Variants in TSNARE1 observed in about 807,000 individuals in gnomAD.
TSNARE1 encodes t-SNARE domain containing 1.
Under a neutral mutation model 62.0 loss-of-function variants are expected in TSNARE1, and 49 were observed. The ratio of observed to expected loss-of-function variants is 0.79; its 90% CI spans 0.63 to 1.00. The LOEUF (loss-of-function observed/expected upper bound fraction) is 1.00, where lower values mean the gene tolerates loss of function less well. Among genes scored for constraint, TSNARE1 ranks in the 50% least tolerant of loss-of-function variants. The pLI, the probability that TSNARE1 is intolerant of heterozygous loss-of-function variation, is 0.00. For synonymous variants in TSNARE1, 328 were observed against 294.4 expected (o/e 1.11, Z -1.17); for missense variants, 755 against 700.1 (o/e 1.08, Z -0.88).
At chr8:142,222,398 ACTC>A in intron 13 of TSNARE1, among the ~76,000 whole-genome samples, 4 of 147,324 alleles carry the variant, frequency 2.7e-5, no homozygotes, top group Non-Finnish European at 1.5e-5. Context: ...TCATCCACTC[ACTC>A]ATTCACTCAC....
chr8:142,300,426 C>G, intron 10 of TSNARE1, 60 bp downstream of exon 10: 1 of 1,536,870 alleles, frequency 6.5e-7, no homozygotes, highest in African/African-American at 1.4e-5. Context: ...CTGGGCTCCT[C>G]TGGTTCCCAG....
At chr8:142,362,455 T>TC (rs1835234872) in intron 1 of TSNARE1, among the ~76,000 whole-genome samples, 1 of 152,202 alleles carries the variant, frequency 6.6e-6, no homozygotes, top group African/African-American at 2.4e-5. Context: ...GAGCCCACTT[T>TC]CTGCTGCTGT....
intron 1 of TSNARE1, among the ~76,000 whole-genome samples, chr8:142,390,852 G>A (rs1370782454): frequency 8.9e-5 from 8 of 89,914 alleles, no homozygotes; most frequent in African/African-American, 3.7e-4. Flanking sequence ...GTACACTGCG[G>A]GGGACTCCGT....
chr8:142,405,361 GGT>G (rs1256094655), upstream of TSNARE1: 23 of 152,300 alleles, frequency 1.5e-4, no homozygotes, highest in African/African-American at 5.5e-4. Context: ...GAAGAACTCT[GGT>G]CCCACCCCTT....
chr8:142,303,969 C>G (rs1826218206), intron 9 of TSNARE1, among the ~76,000 whole-genome samples: 1 of 152,238 alleles, frequency 6.6e-6, no homozygotes, highest in Non-Finnish European at 1.5e-5. Context: ...CCACCCTCGT[C>G]TAAAGGGCAC....
At chr8:142,240,090 G>A (rs1468776073) in intron 12 of TSNARE1, among the ~76,000 whole-genome samples, 2 of 152,100 alleles carry the variant, frequency 1.3e-5, no homozygotes, top group African/African-American at 4.8e-5. Flanking sequence ...CCAGCTATCT[G>A]CTATTTACAA....
At chr8:142,263,522 C>T (rs375187776) in intron 12 of TSNARE1, among the ~76,000 whole-genome samples, 15 of 152,268 alleles carry the variant, frequency 9.9e-5, no homozygotes, top group South Asian at 8.3e-4. Flanking sequence ...TCATCCTATG[C>T]GTTTAGGAAT....
chr8:142,271,598 CG>C, intron 12 of TSNARE1: 1 of 1,429,446 alleles, frequency 7.0e-7, no homozygotes, highest in Non-Finnish European at 9.1e-7. Flanking sequence ...GAAGACTCCT[CG>C]TAAGTCCAGG....
chr8:142,222,956 T>TCCTC (rs1816488929), intron 13 of TSNARE1, among the ~76,000 whole-genome samples: 1 of 145,036 alleles, frequency 6.9e-6, no homozygotes, highest in Non-Finnish European at 1.5e-5. Flanking sequence ...ACTCATCCAC[T>TCCTC]CACTCACTCA....
intron 4 of TSNARE1, among the ~76,000 whole-genome samples, chr8:142,333,381 C>T (rs1228379569): frequency 6.6e-6 from 1 of 152,210 alleles, no homozygotes; most frequent in Non-Finnish European, 1.5e-5. Context: ...GGTGTCGGTG[C>T]AGTTCTTTCA....
intron 1 of TSNARE1, among the ~76,000 whole-genome samples, chr8:142,390,217 T>C (rs1837391225): frequency 6.6e-6 from 1 of 152,166 alleles, no homozygotes; most frequent in Admixed American, 6.5e-5. Context: ...GCCTGGGACA[T>C]TACTGTACAC....
intron 1 of TSNARE1, among the ~76,000 whole-genome samples, chr8:142,386,566 T>C (rs1018414628): frequency 5.9e-5 from 9 of 152,094 alleles, no homozygotes; most frequent in Non-Finnish European, 1.3e-4. Context: ...GATTCCCCAA[T>C]TGAATTACAA....
chr8:142,373,367 C>A (rs1306565147), intron 1 of TSNARE1, among the ~76,000 whole-genome samples: 1 of 152,074 alleles, frequency 6.6e-6, no homozygotes. Context: ...CCCTGACTGG[C>A]GGCTGGGAGA....
chr8:142,232,105 A>G (rs1817144721), intron 12 of TSNARE1, among the ~76,000 whole-genome samples: 1 of 152,248 alleles, frequency 6.6e-6, no homozygotes, highest in Admixed American at 6.5e-5. Context: ...CCTTGAGCAC[A>G]GTGCTGGGCC....
Position 142,274,816 on chromosome 8 carries a change from C to T in TSNARE1, c.1411G>A (p.Ala471Thr). 1 of 1,580,630 alleles carries T rather than the reference C, an allele frequency of 6.3e-7. No individual in the cohort carries two copies. The highest frequency in any genetic ancestry group is 8.6e-7 in the Non-Finnish European group (1 of 1,164,258). The change falls in exon 12 of 14, where the codon GCC becomes ACC. Residue 471 changes from alanine (A) to threonine (T), a missense_variant. Transcript: ENST00000524325. Reference protein sequence around the residue: ...LEAASSHAEAARQLLAGASRH... With the variant: ...LEAASSHAEATRQLLAGASRH... Reference sequence around the variant, plus strand: ...CTGGCTCCAGCCAGGAGCTGGCGGGCTGCCTCCGCATGCGAGGACGCAGCC... The same window carrying T: ...CTGGCTCCAGCCAGGAGCTGGCGGGTTGCCTCCGCATGCGAGGACGCAGCC...
At chr8:142,376,158 A>C (rs1182436662) in intron 1 of TSNARE1, among the ~76,000 whole-genome samples, 5 of 152,218 alleles carry the variant, frequency 3.3e-5, no homozygotes, top group Admixed American at 3.3e-4. Flanking sequence ...CACATAATCC[A>C]AAGTGCAGGA....
At chr8:142,267,083 G>T (rs1230783213) in intron 12 of TSNARE1, among the ~76,000 whole-genome samples, 2 of 152,140 alleles carry the variant, frequency 1.3e-5, no homozygotes, top group Non-Finnish European at 2.9e-5. Flanking sequence ...ATATTTCACA[G>T]AAATCATATT....
intron 13 of TSNARE1, among the ~76,000 whole-genome samples, chr8:142,229,010 G>A (rs1419473894): frequency 6.6e-6 from 1 of 152,228 alleles, no homozygotes; most frequent in African/African-American, 2.4e-5. Flanking sequence ...TAGATGGGTG[G>A]ATGAGTTGAT....
chr8:142,400,648 G>T (rs1431324271), intron 1 of TSNARE1, among the ~76,000 whole-genome samples: 1 of 152,198 alleles, frequency 6.6e-6, no homozygotes, highest in Non-Finnish European at 1.5e-5. Context: ...GCTGAGGCAG[G>T]ACTCCGTGTC....
Sources: gnomAD v4.1 joint callset for allele counts (sites outside exome capture counted in the v4.1 genomes callset) on GRCh38, gnomAD v4.1.1 for gene constraint, MANE v1.5 for transcripts, NCBI Gene and HGNC (gene_info 2026-07-23, HGNC 2026-07-21) for gene names.